The following PTPRT variants were observed in gnomAD, a reference collection of about 807,000 sequenced individuals.
The protein encoded by PTPRT is receptor-type tyrosine-protein phosphatase T.
Under a neutral mutation model 176.8 loss-of-function variants are expected in PTPRT, and 56 were observed. The observed-to-expected ratio is 0.32, with a 90% CI of 0.26 to 0.40. The LOEUF is 0.40. PTPRT is among the 10% of genes least tolerant of loss of function. The pLI is 1.00. For missense variants in PTPRT, 1,540 were observed against 1,908.2 expected, an observed-to-expected ratio of 0.81 and a Z score of 3.60; for synonymous variants, 783 against 739.0, an observed-to-expected ratio of 1.06 and a Z score of -0.96.
chr20:42,393,714 C>T (rs1013220782), intron 9 of PTPRT, among the ~76,000 whole-genome samples: 3 of 152,174 alleles, frequency 2.0e-5, no homozygotes, highest in Non-Finnish European at 2.9e-5. Flanking sequence ...TTCCTAGGTT[C>T]CTATTGTTTG....
intron 1 of PTPRT, among the ~76,000 whole-genome samples, chr20:42,992,462 G>C (rs995798850): frequency 1.3e-5 from 2 of 152,242 alleles, no homozygotes; most frequent in Admixed American, 1.3e-4. Flanking sequence ...CAGGAAGCAA[G>C]GAACCTAGCT....
At chr20:42,359,928 G>A (rs1404627779) in intron 9 of PTPRT, among the ~76,000 whole-genome samples, 1 of 152,216 alleles carries the variant, frequency 6.6e-6, no homozygotes, top group Non-Finnish European at 1.5e-5. Flanking sequence ...ATGGATCAAA[G>A]GGCTGTTGTA....
chr20:42,904,222 T>A (rs2079445448), intron 1 of PTPRT, among the ~76,000 whole-genome samples: 2 of 152,092 alleles, frequency 1.3e-5, no homozygotes, highest in African/African-American at 2.4e-5. Flanking sequence ...ATGCAGATGA[T>A]CCTATGAGAG....
intron 8 of PTPRT, among the ~76,000 whole-genome samples, chr20:42,452,267 C>CAAAAA (rs200511615): frequency 8.5e-6 from 1 of 118,100 alleles, no homozygotes; most frequent in African/African-American, 3.1e-5. Flanking sequence ...GACTCCATCT[C>CAAAAA]AAAAAAAAAA....
intron 1 of PTPRT, among the ~76,000 whole-genome samples, chr20:42,958,395 G>GC (rs1981789010): frequency 1.5e-5 from 1 of 65,946 alleles, no homozygotes; most frequent in South Asian, 6.7e-4. Flanking sequence ...GGAGGAAAGG[G>GC]AATGGTGGGA....
intron 6 of PTPRT, among the ~76,000 whole-genome samples, chr20:42,721,777 C>T (rs1055338873): frequency 3.3e-5 from 5 of 152,238 alleles, no homozygotes; most frequent in African/African-American, 1.2e-4. Context: ...CATGCACGCA[C>T]ACACAGGTGC....
chr20:42,634,020 ATAAT>A (rs2074512677), intron 7 of PTPRT, among the ~76,000 whole-genome samples: 7 of 28,166 alleles, frequency 2.5e-4, no homozygotes, highest in Non-Finnish European at 3.9e-4. Flanking sequence ...TAATATATAT[ATAAT>A]ATATATATTA....
chr20:42,284,961 G>GAA lies in PTPRT; in HGVS notation c.2140-2438_2140-2437dup, dbSNP rs370285823. Among the ~76,000 whole-genome samples, 444 of 112,654 alleles carry GAA rather than the reference G, an allele frequency of 3.9e-3. 6 individuals carry two copies. The highest frequency in any genetic ancestry group is 0.012 in the African/African-American group (380 of 30,666). 73.9% of individuals were successfully genotyped at this position (112,654 alleles called of 152,430 possible). A position where few individuals can be genotyped will look rare whatever the true frequency, so the allele number is the denominator to read the frequency against. On this transcript the variant is annotated intron_variant, in intron 12 of 30. Coordinates refer to ENST00000373187, the MANE Select transcript of PTPRT (RefSeq NM_007050.6). The stretch of plus-strand genomic sequence containing the variant: ...TTTTCAGAGAACATACCCAAAAGAT[G>GAA]AAAAAAAAAAAAAGGAAAATGGCTG...
In PTPRT at chr20:42,944,366, C is replaced by T. The variant is rs56211645; in HGVS notation, c.89-58434G>A. Among the ~76,000 whole-genome samples, 687 of 152,300 alleles carry T rather than the reference C, an allele frequency of 4.5e-3. 3 individuals carry two copies. The highest frequency in any genetic ancestry group is 0.016 in the African/African-American group (655 of 41,556). ...ATCCCACTCACGAAGCTCTCCAAAC[C>T]GTTCTTCCTCCCAATAGCAGTGACA... On this transcript the variant is annotated intron_variant, in intron 1 of 30. Coordinates refer to ENST00000373187, the MANE Select transcript of PTPRT (RefSeq NM_007050.6).
intron 1 of PTPRT, among the ~76,000 whole-genome samples, chr20:43,033,182 G>A (rs945217630): frequency 2.4e-4 from 37 of 152,018 alleles, no homozygotes; most frequent in Non-Finnish European, 4.6e-4. Flanking sequence ...TCCCTCTTTG[G>A]GGACCTAAAG....
intron 13 of PTPRT, among the ~76,000 whole-genome samples, chr20:42,265,347 C>T (rs2056821671): frequency 6.6e-6 from 1 of 152,164 alleles, no homozygotes; most frequent in African/African-American, 2.4e-5. Context: ...TTTTAATCAT[C>T]TGACCCTCAG....
At chr20:42,318,340 A>G (rs2057750553) in intron 11 of PTPRT, among the ~76,000 whole-genome samples, 2 of 152,334 alleles carry the variant, frequency 1.3e-5, no homozygotes, top group Admixed American at 6.5e-5. Context: ...GCAGGGCAGA[A>G]GTGGAGGGGT....
chr20:42,033,068 T>G, the PTPRT span, among the ~76,000 whole-genome samples: 1 of 152,108 alleles, frequency 6.6e-6, no homozygotes, highest in Non-Finnish European at 1.5e-5. Flanking sequence ...ACATGTGATG[T>G]ATGTGTGGTT....
chr20:42,417,120 C>A (rs962899548), intron 9 of PTPRT, among the ~76,000 whole-genome samples: 3 of 152,188 alleles, frequency 2.0e-5, no homozygotes, highest in Non-Finnish European at 4.4e-5. Flanking sequence ...TACAGAAGCT[C>A]TATCAAACTT....
intron 1 of PTPRT, among the ~76,000 whole-genome samples, chr20:43,166,506 C>T (rs1451874289): frequency 6.6e-6 from 1 of 152,150 alleles, no homozygotes; most frequent in East Asian, 1.9e-4. Context: ...TTCAGGATTT[C>T]ATGTGTGTTC....
intron 16 of PTPRT, among the ~76,000 whole-genome samples, chr20:42,166,542 T>C (rs1989832539): frequency 6.6e-6 from 1 of 152,254 alleles, no homozygotes; most frequent in African/African-American, 2.4e-5. Flanking sequence ...TGCCTCATTA[T>C]GAATGATAGT....
At chr20:42,594,557 A>G (rs951050076) in intron 7 of PTPRT, among the ~76,000 whole-genome samples, 3 of 152,240 alleles carry the variant, frequency 2.0e-5, no homozygotes, top group Admixed American at 6.5e-5. Context: ...TATAATATAC[A>G]TACACCTCTA....
downstream of PTPRT, among the ~76,000 whole-genome samples, chr20:42,072,415 G>A (rs1357383056): frequency 3.3e-5 from 5 of 152,184 alleles, no homozygotes; most frequent in South Asian, 2.1e-4. Context: ...TAGGCAGCTC[G>A]TTACCAAGGC....
Position 42,472,363 on chromosome 20 carries a change from G to T in PTPRT, c.1353C>A (p.Gly451=). Residue 451 remains glycine, a synonymous_variant, in exon 8 of 31, where the codon GGC becomes GGA. Coordinates refer to ENST00000373187, the MANE Select transcript of PTPRT (RefSeq NM_007050.6). ...IQTSSHYTLR[G]LRPFMTIRLR... Reference sequence around the variant, plus strand: ...GCCGGATGGTCATGAAGGGGCGCAGGCCTCGCAGGGTGTAGTGGGAGGAGG... The same window carrying T: ...GCCGGATGGTCATGAAGGGGCGCAGTCCTCGCAGGGTGTAGTGGGAGGAGG... The T allele has an allele frequency of 1.2e-6, 2 of 1,614,240 alleles. No homozygotes were observed. The highest frequency in any genetic ancestry group is 1.7e-6 in the Non-Finnish European group (2 of 1,180,048).
Sources: gnomAD v4.1 joint callset for allele counts (sites outside exome capture counted in the v4.1 genomes callset) on GRCh38, gnomAD v4.1.1 for gene constraint, MANE v1.5 for transcripts, NCBI Gene and HGNC (gene_info 2026-07-23, HGNC 2026-07-21) for gene names.